The following RAB43 variants were observed in gnomAD, a reference collection of about 807,000 sequenced individuals.
The protein encoded by RAB43 is ras-related protein Rab-43.
Under a neutral mutation model 18.8 loss-of-function variants are expected in RAB43, and 6 were observed. That is an observed-to-expected ratio of 0.32 (90% CI 0.17 to 0.63). RAB43 has a LOEUF of 0.63. Among genes scored for constraint, RAB43 ranks in the 30% least tolerant of loss-of-function variants. The probability of loss-of-function intolerance (pLI) is 0.79; values close to 1 mark genes in which losing one functional copy is unlikely to be tolerated. For missense variants in RAB43, 195 were observed against 289.1 expected (o/e 0.67, Z 2.36); for synonymous variants, 103 against 124.1 (o/e 0.83, Z 1.13).
intron 2 of RAB43, 150 bp from the exon 3 acceptor site, chr3:129,091,496 C>T (rs1933650496): frequency 9.1e-7 from 1 of 1,097,814 alleles, no homozygotes; most frequent in African/African-American, 1.6e-5. Context: ...CTTTAAAAAA[C>T]CTTTTTTAGG....
chr3:129,121,079 C>T (rs913616045), intron 1 of RAB43, among the ~76,000 whole-genome samples: 10 of 148,704 alleles, frequency 6.7e-5, no homozygotes, highest in Non-Finnish European at 1.2e-4. Flanking sequence ...CCCCCCCCCC[C>T]CCCAGCAACC....
At chr3:129,112,485 C>G (rs573642725) in intron 1 of RAB43, among the ~76,000 whole-genome samples, 5 of 152,112 alleles carry the variant, frequency 3.3e-5, no homozygotes, top group African/African-American at 9.7e-5. Context: ...CACTTCATCA[C>G]GCAACAGTGA....
chr3:129,108,658 C>A (rs753847110), intron 1 of RAB43, among the ~76,000 whole-genome samples: 72 of 152,342 alleles, frequency 4.7e-4, no homozygotes, highest in Non-Finnish European at 5.6e-4. Flanking sequence ...CTAAGCTCGA[C>A]AGAGTACCAC....
chr3:129,116,870 G>A (rs1935568828), intron 1 of RAB43, among the ~76,000 whole-genome samples: 1 of 146,006 alleles, frequency 6.8e-6, no homozygotes, highest in African/African-American at 2.5e-5. Context: ...TGTTGTCCCA[G>A]ATAAGAGTGA....
intron 2 of RAB43, 122 bp from the exon 3 acceptor site, chr3:129,091,468 G>T: frequency 7.8e-7 from 1 of 1,276,882 alleles, no homozygotes; most frequent in Non-Finnish European, 1.1e-6. Flanking sequence ...GACACCCCTG[G>T]CATGGTCATC....
rs528779602 is a variant in RAB43 at position 129,107,362 on chromosome 3, G to A, written c.205-12193C>T. Among the ~76,000 whole-genome samples, 593 of 152,174 alleles carry A rather than the reference G, an allele frequency of 3.9e-3. 6 individuals are homozygous for A. The highest frequency in any genetic ancestry group is 7.2e-3 in the Non-Finnish European group (487 of 68,002). On this transcript the variant is annotated intron_variant, in intron 1 of 2. Transcript: ENST00000315150. The surrounding 1 kb of genome is among the most constrained non-coding windows in gnomAD (Gnocchi z 4.2). ...AAGGTGCACTGTGGGAAACGACCCT[G>A]GCCTCTGGCCAACAAGTCCTGCCTC... is the stretch of plus-strand genomic sequence containing the variant.
At chr3:129,121,038 A>G (rs1935875407) in intron 1 of RAB43, among the ~76,000 whole-genome samples, 2 of 135,214 alleles carry the variant, frequency 1.5e-5, no homozygotes, top group Admixed American at 7.6e-5. Flanking sequence ...TGAGCTCCGG[A>G]GGGCAGGGCC....
chr3:129,114,851 T>C (rs1454568136), intron 1 of RAB43, among the ~76,000 whole-genome samples: 1 of 152,180 alleles, frequency 6.6e-6, no homozygotes, highest in Non-Finnish European at 1.5e-5. Context: ...AGTACGAGCA[T>C]AGCCACAGGG....
Position 129,095,211 on chromosome 3 carries a change from T to C in RAB43, c.205-42A>G. The C allele has an allele frequency of 6.3e-7, 1 of 1,593,086 alleles. No individual in the cohort carries two copies. The highest frequency in any genetic ancestry group is 8.6e-7 in the Non-Finnish European group (1 of 1,168,270). ...CCTCAGTGAACCCAGTGGCACAGGC[T>C]GAACATGGGGACAGGCAGAGTGACC... On this transcript the variant is annotated intron_variant, in intron 1 of 2. Coordinates refer to ENST00000315150, the MANE Select transcript of RAB43 (RefSeq NM_198490.3). This position sits in a 1 kb window ranked among gnomAD's most constrained non-coding sequence, Gnocchi z 4.2.
chr3:129,092,058 TA>T (rs1012657876), intron 2 of RAB43, among the ~76,000 whole-genome samples: 4,230 of 59,620 alleles, frequency 0.071, 79 homozygotes, highest in Non-Finnish European at 0.089. Context: ...AACTCCGTCA[TA>T]AAAAAAAAAA....
At chr3:129,096,336 C>T (rs138839194) in intron 1 of RAB43, among the ~76,000 whole-genome samples, 1 of 152,340 alleles carries the variant, frequency 6.6e-6, no homozygotes, top group African/African-American at 2.4e-5. Flanking sequence ...CCACAATGTG[C>T]CAAATAAGAC....
At chr3:129,111,650 C>T (rs563948324) in intron 1 of RAB43, among the ~76,000 whole-genome samples, 1 of 152,100 alleles carries the variant, frequency 6.6e-6, no homozygotes, top group African/African-American at 2.4e-5. Context: ...GGGAAAGAAA[C>T]CCAAAGAAAA....
Position 129,088,082 on chromosome 3 carries a change from A to C in RAB43, c.*3014T>G, listed in dbSNP as rs1324494347. On this transcript the variant is annotated 3_prime_UTR_variant, in exon 3 of 3. Coordinates refer to ENST00000315150, the MANE Select transcript of RAB43 (RefSeq NM_198490.3). Reference sequence around the variant, plus strand: ...GCTGCCGGGAGAGCTTAGCCTGCCAAGGGGAGGAAACAAGCCGGCTTTGTT... The same window carrying C: ...GCTGCCGGGAGAGCTTAGCCTGCCACGGGGAGGAAACAAGCCGGCTTTGTT... The C allele has an allele frequency of 6.6e-6, 1 of 152,198 alleles. No homozygotes were observed. The highest frequency in any genetic ancestry group is 1.5e-5 in the Non-Finnish European group (1 of 68,030). The allele number at this position is 152,198 out of a possible 1,614,324, so 9.4% of individuals were successfully genotyped here. A position where few individuals can be genotyped will look rare whatever the true frequency, so the allele number is the denominator to read the frequency against.
At chr3:129,116,766 G>A (rs1935558886) in intron 1 of RAB43, among the ~76,000 whole-genome samples, 2 of 152,356 alleles carry the variant, frequency 1.3e-5, no homozygotes, top group South Asian at 2.1e-4. Context: ...GAGCTGAATA[G>A]AGGGGTACAG....
chr3:129,099,777 T>C (rs1303574916), intron 1 of RAB43, among the ~76,000 whole-genome samples: 5 of 150,414 alleles, frequency 3.3e-5, no homozygotes, highest in Admixed American at 3.3e-4. Context: ...AGATTATAGA[T>C]GGCAGAAAAA....
chr3:129,097,720 G>T (rs1176013871), intron 1 of RAB43, among the ~76,000 whole-genome samples: 1 of 152,134 alleles, frequency 6.6e-6, no homozygotes, highest in East Asian at 1.9e-4. Flanking sequence ...GGCTCCTGGA[G>T]CAGCTTCCAG....
At chr3:129,108,868 C>A (rs546365529) in intron 1 of RAB43, among the ~76,000 whole-genome samples, 19 of 152,154 alleles carry the variant, frequency 1.2e-4, no homozygotes, top group African/African-American at 4.3e-4. Context: ...TAGTATGGAA[C>A]GTGGCACCGG....
intron 1 of RAB43, among the ~76,000 whole-genome samples, chr3:129,108,453 A>G (rs957672709): frequency 1.3e-5 from 2 of 152,218 alleles, no homozygotes; most frequent in African/African-American, 4.8e-5. Context: ...ACCTGTCTAC[A>G]TATATTTTCT....
intron 2 of RAB43, among the ~76,000 whole-genome samples, chr3:129,092,872 T>G (rs886089299): frequency 6.6e-6 from 1 of 150,690 alleles, no homozygotes; most frequent in Admixed American, 6.6e-5. Context: ...AGGAGAATGG[T>G]GTGAACCCAG....
Sources: allele counts gnomAD v4.1 joint callset (sites outside exome capture counted in the v4.1 genomes callset), GRCh38; gene constraint gnomAD v4.1.1; non-coding constraint Gnocchi (gnomAD v3.1); transcripts MANE v1.5; gene names NCBI Gene and HGNC (gene_info 2026-07-23, HGNC 2026-07-21).